SDC2: variants seen among roughly 807,000 people sequenced by gnomAD.
SDC2 encodes syndecan-2.
A neutral mutation model predicts 22.2 loss-of-function variants in SDC2; 13 were observed. That is an observed-to-expected ratio of 0.59 (90% confidence interval 0.38 to 0.93). The LOEUF (loss-of-function observed/expected upper bound fraction) is 0.93, where lower values mean the gene tolerates loss of function less well. SDC2 is among the 40% of genes least tolerant of loss of function. SDC2 has a pLI of 0.00. For synonymous variants in SDC2, 94 were observed against 92.8 expected, an observed-to-expected ratio of 1.01 and a Z score of -0.07; for missense variants, 235 against 246.8, an observed-to-expected ratio of 0.95 and a Z score of 0.32.
chr8:96,524,295 A>G (rs1813543956), intron 1 of SDC2, among the ~76,000 whole-genome samples: 1 of 152,174 alleles, frequency 6.6e-6, no homozygotes, highest in South Asian at 2.1e-4. Context: ...GTGCACATAC[A>G]TCACTCTGGG....
chr8:96,543,911 CTATT>C (rs751960430), intron 1 of SDC2, among the ~76,000 whole-genome samples: 13 of 152,204 alleles, frequency 8.5e-5, no homozygotes, highest in South Asian at 2.1e-4. Context: ...TTAGAAATGA[CTATT>C]TATGTCATTG....
At chr8:96,520,948 G>A (rs1311954857) in intron 1 of SDC2, among the ~76,000 whole-genome samples, 6 of 152,212 alleles carry the variant, frequency 3.9e-5, no homozygotes. Flanking sequence ...CTGGATTTGA[G>A]AGAACAATCT....
In SDC2 at chr8:96,597,558, T is replaced by C. The variant is rs149247673; in HGVS notation, c.172+3967T>C. Among the ~76,000 whole-genome samples the C allele has an allele frequency of 2.6e-3, 403 of 152,156 alleles. 2 individuals are homozygous for C. The highest frequency in any genetic ancestry group is 9.1e-3 in the African/African-American group (377 of 41,524). ...CATGAGAGAAAGAGAAACCCCCAAA[T>C]TGGGAGAGGACAGCCACTTACAGGA... On this transcript the variant is annotated intron_variant, in intron 2 of 4. Transcript: ENST00000302190.
At chr8:96,555,754 TTCTTCACCAATG>T (rs1454456420) in intron 1 of SDC2, among the ~76,000 whole-genome samples, 2 of 152,232 alleles carry the variant, frequency 1.3e-5, no homozygotes, top group Non-Finnish European at 2.9e-5. Flanking sequence ...TGACAGCATT[TTCTTCACCAATG>T]TATTTTCTTC....
intron 1 of SDC2, among the ~76,000 whole-genome samples, chr8:96,561,513 C>T (rs768679420): frequency 2.6e-5 from 4 of 152,126 alleles, no homozygotes; most frequent in South Asian, 2.1e-4. Context: ...TTGTGTGGGG[C>T]GGCCTGATTG....
At chr8:96,529,914 T>G (rs1291097598) in intron 1 of SDC2, among the ~76,000 whole-genome samples, 1 of 152,160 alleles carries the variant, frequency 6.6e-6, no homozygotes, top group East Asian at 1.9e-4. Context: ...ATCTAGTTCC[T>G]CAGGCATTAC....
At chr8:96,534,262 G>A (rs567666207) in intron 1 of SDC2, among the ~76,000 whole-genome samples, 118 of 152,326 alleles carry the variant, frequency 7.7e-4, no homozygotes, top group African/African-American at 2.6e-3. Flanking sequence ...CCCCCACAGT[G>A]CAGTGGTGGG....
rs981597677 is a variant in SDC2, at chr8:96,494,187, C to A, written c.-85C>A. ...CGGTACTCTGCTCCGGATTCGTGTG[C>A]GCGGGCTGCGCCGAGCGCTGGGCAG... On this transcript the variant is annotated 5_prime_UTR_variant, in exon 1 of 5. Coordinates refer to ENST00000302190, the MANE Select transcript of SDC2 (RefSeq NM_002998.4). 4.3e-6 allele frequency: 6 copies of A among 1,383,854 alleles called. No homozygotes were observed. The highest frequency in any genetic ancestry group is 1.4e-5 in the African/African-American group (1 of 69,292). 85.7% of individuals were successfully genotyped at this position (1,383,854 alleles called of 1,614,324 possible).
chr8:96,537,265 G>A (rs1348013441), intron 1 of SDC2: 1 of 152,100 alleles, frequency 6.6e-6, no homozygotes, highest in African/African-American at 2.4e-5. Context: ...GATGGCTAGT[G>A]GTTTTAGCAG....
intron 1 of SDC2, among the ~76,000 whole-genome samples, chr8:96,505,590 G>A (rs185355352): frequency 1.7e-4 from 26 of 152,286 alleles, no homozygotes; most frequent in African/African-American, 5.3e-4. Context: ...ATAAGCCACC[G>A]CGCCCGGCCT....
intron 1 of SDC2, among the ~76,000 whole-genome samples, chr8:96,580,123 G>A (rs1389795564): frequency 6.6e-6 from 1 of 152,218 alleles, no homozygotes; most frequent in Non-Finnish European, 1.5e-5. Context: ...GCGCTGCAAT[G>A]TGACCACTTG....
rs1311640415 is a variant in SDC2, at chr8:96,611,088, A to G, written c.*1540A>G. 1 of 152,636 alleles carries G rather than the reference A, an allele frequency of 6.6e-6. No individual in the cohort carries two copies. The highest frequency in any genetic ancestry group is 2.4e-5 in the African/African-American group (1 of 41,450). The allele number at this position is 152,636 out of a possible 1,614,324, so 9.5% of individuals were successfully genotyped here. A position where few individuals can be genotyped will look rare whatever the true frequency, so the allele number is the denominator to read the frequency against. ...TCTACTGAAGCTTAACCGAAGAACT[A>G]ATAAATGGACTACAGTAGCTCACGT... On this transcript the variant is annotated 3_prime_UTR_variant, in exon 5 of 5. Coordinates refer to ENST00000302190, the MANE Select transcript of SDC2 (RefSeq NM_002998.4).
chr8:96,533,507 G>A (rs1297940043), intron 1 of SDC2, among the ~76,000 whole-genome samples: 2 of 152,118 alleles, frequency 1.3e-5, no homozygotes, highest in East Asian at 3.9e-4. Context: ...GTGCTGATTG[G>A]TGTATTTACA....
chr8:96,578,584 T>C (rs1055339955), intron 1 of SDC2, among the ~76,000 whole-genome samples: 2 of 152,300 alleles, frequency 1.3e-5, no homozygotes, highest in East Asian at 1.9e-4. Context: ...AATTTTACAA[T>C]GGAAGAGATG....
At chr8:96,506,662 G>A (rs966238039) in intron 1 of SDC2, among the ~76,000 whole-genome samples, 23 of 151,896 alleles carry the variant, frequency 1.5e-4, no homozygotes, top group African/African-American at 5.3e-4. Flanking sequence ...GTTCACATGG[G>A]GTTTCACTAT....
chr8:96,565,422 C>CA (rs981326480), intron 1 of SDC2, among the ~76,000 whole-genome samples: 3 of 152,092 alleles, frequency 2.0e-5, no homozygotes, highest in African/African-American at 7.2e-5. Flanking sequence ...GAAGATATCT[C>CA]AGAGTCTTAC....
At chr8:96,597,757 G>A (rs1814904187) in intron 2 of SDC2, among the ~76,000 whole-genome samples, 1 of 152,168 alleles carries the variant, frequency 6.6e-6, no homozygotes, top group Admixed American at 6.5e-5. Context: ...AGAAGACACA[G>A]AGGATATTCA....
chr8:96,536,141 C>CTT (rs112043989), intron 1 of SDC2, among the ~76,000 whole-genome samples: 21 of 142,524 alleles, frequency 1.5e-4, no homozygotes, highest in South Asian at 6.7e-4. Flanking sequence ...CCTAGCTTTT[C>CTT]TTTTTTTTTT....
chr8:96,529,516 C>T (rs2575730), intron 1 of SDC2, among the ~76,000 whole-genome samples: 30,116 of 152,048 alleles, frequency 0.2, 3,337 homozygotes, highest in African/African-American at 0.3. Flanking sequence ...AGTTAAGAAT[C>T]TAACAAAAAT....
Sources: allele counts gnomAD v4.1 joint callset (sites outside exome capture counted in the v4.1 genomes callset), GRCh38; gene constraint gnomAD v4.1.1; transcripts MANE v1.5; gene names NCBI Gene and HGNC (gene_info 2026-07-23, HGNC 2026-07-21).